ANTXR2: variants seen among roughly 807,000 people sequenced by gnomAD.
ANTXR2 encodes the protein anthrax toxin receptor 2.
Under a neutral mutation model 73.7 loss-of-function variants are expected in ANTXR2, and 44 were observed. The observed-to-expected ratio is 0.60, with a 90% CI of 0.47 to 0.77. ANTXR2 has a LOEUF of 0.77. ANTXR2 is among the 30% of genes least tolerant of loss of function. The pLI, the probability that ANTXR2 is intolerant of heterozygous loss-of-function variation, is 0.00. For synonymous variants in ANTXR2, 217 were observed against 205.9 expected (o/e 1.05, Z -0.46); for missense variants, 604 against 592.5 (o/e 1.02, Z -0.20).
At chr4:79,916,232 C>T (rs1200253647) in intron 16 of ANTXR2, among the ~76,000 whole-genome samples, 1 of 151,870 alleles carries the variant, frequency 6.6e-6, no homozygotes, top group African/African-American at 2.4e-5. Flanking sequence ...TAAACCACAC[C>T]TCATAAGATG....
intron 16 of ANTXR2, among the ~76,000 whole-genome samples, chr4:79,965,553 C>T (rs1729330435): frequency 6.6e-6 from 1 of 152,122 alleles, no homozygotes; most frequent in African/African-American, 2.4e-5. Context: ...AACTTGTATA[C>T]CTGTATAAAT....
chr4:80,058,080 G>C (rs79431799), intron 3 of ANTXR2, among the ~76,000 whole-genome samples: 272 of 152,190 alleles, frequency 1.8e-3, no homozygotes, highest in African/African-American at 6.4e-3. Flanking sequence ...TTGAGCATTA[G>C]TGTTTGCTGC....
At position 80,011,313 on chromosome 4, in the gene ANTXR2, A is replaced by ATCTATCTG. The variant is rs1418775312; in HGVS notation, c.946-2698_946-2697insCAGATAGA. Among the ~76,000 whole-genome samples the ATCTATCTG allele has an allele frequency of 4.6e-3, 537 of 116,860 alleles. 4 individuals carry two copies. The highest frequency in any genetic ancestry group is 0.021 in the Middle Eastern group (5 of 236). 76.7% of individuals were successfully genotyped at this position (116,860 alleles called of 152,430 possible). A position where few individuals can be genotyped will look rare whatever the true frequency, so the allele number is the denominator to read the frequency against. On this transcript the variant is annotated intron_variant, in intron 11 of 16. Transcript: ENST00000403729. ...TATCTATCTATCTATCTATCTATCT[A>ATCTATCTG]TCTGTCTATCATCTATCTATCTATC... is the stretch of plus-strand genomic sequence containing the variant.
chr4:80,013,090 G>GA (rs1161655910), intron 11 of ANTXR2, among the ~76,000 whole-genome samples: 3 of 151,356 alleles, frequency 2.0e-5, no homozygotes, highest in Non-Finnish European at 3.0e-5. Context: ...GATTCCAAGA[G>GA]AAAAAAAAGG....
Position 79,907,541 on chromosome 4 carries a change from C to G in ANTXR2, c.1429-74G>C, listed in dbSNP as rs1354832819. The stretch of plus-strand genomic sequence containing the variant: ...AAAAGCATGAGAACATCTAGTTTTC[C>G]TACCATGATAATAAATGATTACCCA... On this transcript the variant is annotated intron_variant, in intron 16 of 16. Transcript: ENST00000403729. 17 of 1,443,166 alleles carry G rather than the reference C, an allele frequency of 1.2e-5. No individual in the cohort carries two copies. The South Asian group carries it at 1.7e-4, about 15-fold the overall frequency. The allele number at this position is 1,443,166 out of a possible 1,614,324, so 89.4% of individuals were successfully genotyped here. A position where few individuals can be genotyped will look rare whatever the true frequency, so the allele number is the denominator to read the frequency against.
At position 80,038,202 on chromosome 4, in the gene ANTXR2, C is replaced by T. The variant is rs902852009; in HGVS notation, c.637-2170G>A. The stretch of plus-strand genomic sequence containing the variant: ...GTCAAAAAACATGCATCCGGAATGA[C>T]TTCAGTGAATTTGTAACTTTATATT... On this transcript the variant is annotated intron_variant, in intron 7 of 16. Transcript: ENST00000403729. Among the ~76,000 whole-genome samples, 7 of 152,224 alleles carry T rather than the reference C, an allele frequency of 4.6e-5. No homozygotes were observed. In the South Asian group the frequency reaches 6.2e-4, roughly 14 times the overall value.
At chr4:80,004,146 A>T (rs1731191090) in intron 12 of ANTXR2, among the ~76,000 whole-genome samples, 1 of 152,074 alleles carries the variant, frequency 6.6e-6, no homozygotes, top group Non-Finnish European at 1.5e-5. Flanking sequence ...TGAATGAAAA[A>T]AAGCCAGTCT....
chr4:79,999,450 CAATT>C (rs1356416380), intron 12 of ANTXR2, among the ~76,000 whole-genome samples: 1 of 151,908 alleles, frequency 6.6e-6, no homozygotes, highest in Admixed American at 6.6e-5. Context: ...AACTGTAAGT[CAATT>C]AAACCTTTCT....
At chr4:79,975,658 A>G (rs1729593809) in intron 16 of ANTXR2, among the ~76,000 whole-genome samples, 1 of 152,206 alleles carries the variant, frequency 6.6e-6, no homozygotes, top group African/African-American at 2.4e-5. Context: ...GATGCATGAA[A>G]ACAATTTTAA....
intron 3 of ANTXR2, among the ~76,000 whole-genome samples, chr4:80,065,553 T>C (rs36000706): frequency 0.039 from 5,977 of 152,314 alleles, 128 homozygotes; most frequent in Middle Eastern, 0.1. Context: ...AAGAAGGCAG[T>C]GTTTCAAATT....
intron 16 of ANTXR2, among the ~76,000 whole-genome samples, chr4:79,958,343 T>TCA (rs1163837813): frequency 1.3e-5 from 2 of 152,116 alleles, no homozygotes; most frequent in African/African-American, 2.4e-5. Flanking sequence ...AAATATTTTA[T>TCA]CACACACACA....
chr4:80,060,878 T>A (rs1734216796), intron 3 of ANTXR2, among the ~76,000 whole-genome samples: 1 of 152,156 alleles, frequency 6.6e-6, no homozygotes, highest in Non-Finnish European at 1.5e-5. Context: ...TTGTTTCTCA[T>A]GGCACTGTGC....
At chr4:80,007,326 T>C (rs548242649) in intron 12 of ANTXR2, among the ~76,000 whole-genome samples, 1 of 152,290 alleles carries the variant, frequency 6.6e-6, no homozygotes, top group South Asian at 2.1e-4. Flanking sequence ...CTACACAATG[T>C]GCTTATAATA....
At chr4:80,037,404 G>A (rs1304034605) in intron 7 of ANTXR2, among the ~76,000 whole-genome samples, 1 of 152,040 alleles carries the variant, frequency 6.6e-6, no homozygotes, top group East Asian at 1.9e-4. Flanking sequence ...CTGAAAAGAG[G>A]GAAAATTTGT....
At chr4:80,044,913 T>C (rs962823586) in intron 7 of ANTXR2, among the ~76,000 whole-genome samples, 3 of 151,848 alleles carry the variant, frequency 2.0e-5, no homozygotes, top group African/African-American at 7.2e-5. Context: ...AATGCAAAAC[T>C]TTTTAATAAG....
chr4:79,935,029 C>A lies in ANTXR2; in HGVS notation c.1429-27562G>T, dbSNP rs577648829. Among the ~76,000 whole-genome samples the A allele has an allele frequency of 5.3e-5, 8 of 151,646 alleles. 1 individual carries two copies. The East Asian group carries it at 5.8e-4, about 11-fold the overall frequency. On this transcript the variant is annotated intron_variant, in intron 16 of 16. Transcript: ENST00000403729. ...TGATGGGTGCAGCACACCAACATGG[C>A]ACATGTATACATATGTAACTAACCT...
At chr4:79,931,969 C>T (rs1314634459) in intron 16 of ANTXR2, among the ~76,000 whole-genome samples, 4 of 152,124 alleles carry the variant, frequency 2.6e-5, no homozygotes, top group African/African-American at 9.7e-5. Flanking sequence ...TCATTATTTG[C>T]CCATTAATGT....
chr4:79,930,181 CAAATG>C (rs1448162125), intron 16 of ANTXR2, among the ~76,000 whole-genome samples: 3 of 151,726 alleles, frequency 2.0e-5, no homozygotes, highest in African/African-American at 7.3e-5. Flanking sequence ...AAAATATTAT[CAAATG>C]AAAACAGAAA....
At chr4:80,054,523 C>T (rs1353990787) in intron 6 of ANTXR2, among the ~76,000 whole-genome samples, 171 bp from the exon 7 acceptor site, 1 of 151,762 alleles carries the variant, frequency 6.6e-6, no homozygotes, top group Non-Finnish European at 1.5e-5. Flanking sequence ...TAGTGTTACT[C>T]TAAATGTATT....
Sources: allele counts gnomAD v4.1 joint callset (sites outside exome capture counted in the v4.1 genomes callset), GRCh38; gene constraint gnomAD v4.1.1; transcripts MANE v1.5; gene names NCBI Gene and HGNC (gene_info 2026-07-23, HGNC 2026-07-21).